The following ATM variants were observed in gnomAD, a reference collection of about 807,000 sequenced individuals.
ATM encodes serine-protein kinase ATM.
In ATM, 308 loss-of-function variants were observed where a neutral mutation model predicts 387.0. That is an observed-to-expected ratio of 0.80 (90% confidence interval 0.73 to 0.87). The LOEUF is 0.87. Among genes scored for constraint, ATM ranks in the 40% least tolerant of loss-of-function variants. The pLI, the probability that ATM is intolerant of heterozygous loss-of-function variation, is 0.00. For missense variants in ATM, 3,312 were observed against 3,560.9 expected (o/e 0.93, Z 1.78); for synonymous variants, 1,156 against 1,187.3 (o/e 0.97, Z 0.54).
In ATM at chr11:108,368,715, T is replaced by C. The variant is rs2091455663; in HGVS notation, c.*3207T>C. ...ACTGCTTGAACAGTTGTGTCCAGATTAAGGGAGATAATAGCTTTCCCACCC... is the reference window on the plus strand; with the variant it reads ...ACTGCTTGAACAGTTGTGTCCAGATCAAGGGAGATAATAGCTTTCCCACCC... On this transcript the variant is annotated 3_prime_UTR_variant, in exon 63 of 63. Coordinates refer to ENST00000675843, the MANE Select transcript of ATM (RefSeq NM_000051.4). 1 of 214,844 alleles carries C rather than the reference T, an allele frequency of 4.7e-6. No homozygotes were observed. The highest frequency in any genetic ancestry group is 1.9e-4 in the South Asian group (1 of 5,388). The allele number at this position is 214,844 out of a possible 1,614,324, so 13.3% of individuals were successfully genotyped here. A position where few individuals can be genotyped will look rare whatever the true frequency, so the allele number is the denominator to read the frequency against.
At chr11:108,256,524 AATT>A (rs1336952373) in intron 14 of ATM, among the ~76,000 whole-genome samples, 184 bp downstream of exon 14, 1 of 152,086 alleles carries the variant, frequency 6.6e-6, no homozygotes, top group Non-Finnish European at 1.5e-5. Context: ...TTTAATTTTT[AATT>A]ATTATTATAC....
rs771549673 is a variant in ATM at position 108,292,785 on chromosome 11, C to T, written c.4603C>T (p.Gln1535Ter). The change falls in exon 30 of 63, where the codon CAG (glutamine) becomes TAG (stop). Residue 1535 changes from glutamine to a stop codon, truncating the protein, a stop_gained. Coordinates refer to ENST00000675843, the MANE Select transcript of ATM (RefSeq NM_000051.4). LOFTEE classifies it high-confidence loss of function. ...CCTTGTGTATGAGCAGGTGGAGGTTCAGAAACAGGTAATTTTCTGACTCAT... is the reference window on the plus strand; with the variant it reads ...CCTTGTGTATGAGCAGGTGGAGGTTTAGAAACAGGTAATTTTCTGACTCAT... ...IPLVYEQVEV[Q>*]KQVLDLLKYL... 1.2e-6 allele frequency: 2 copies of T among 1,613,748 alleles called. No homozygotes were observed. The highest frequency in any genetic ancestry group is 1.1e-5 in the South Asian group (1 of 91,052).
chr11:108,299,660 T>G (rs1023783827), intron 33 of ATM, 54 bp from the exon 34 acceptor site: 1 of 1,567,666 alleles, frequency 6.4e-7, no homozygotes, highest in Non-Finnish European at 8.8e-7. Context: ...AAATTTCAGT[T>G]TTATGTATGA....
At chr11:108,310,356 G>A (rs886945341) in intron 39 of ATM, 41 bp downstream of exon 39, 2 of 1,566,624 alleles carry the variant, frequency 1.3e-6, no homozygotes, top group African/African-American at 1.4e-5. Context: ...AATTAATGTT[G>A]GCATTGTCTC....
At position 108,253,799 on chromosome 11, in the gene ATM, C is replaced by A. The variant is rs759924007; in HGVS notation, c.1899-15C>A. ...GGTACTTGGTTTATATATTAAAGAT[C>A]TTACTTTCTTGAAGTGAACACCACC... On this transcript the variant is annotated splice_polypyrimidine_tract_variant and intron_variant, in intron 12 of 62. Coordinates refer to ENST00000675843, the MANE Select transcript of ATM (RefSeq NM_000051.4). The A allele has an allele frequency of 1.3e-6, 2 of 1,598,932 alleles. No individual in the cohort carries two copies. Among genetic ancestry groups the A allele is most frequent in the South Asian group, 2.2e-5 (2 of 90,518 alleles).
In ATM at chr11:108,322,748, A is replaced by T. The variant is rs554173875; in HGVS notation, c.6572+1328A>T. 2.8e-4 allele frequency among the ~76,000 whole-genome samples: 43 copies of T among 152,174 alleles called. No individual in the cohort carries two copies. In the East Asian group the frequency reaches 7.8e-3, roughly 27 times the overall value. The stretch of plus-strand genomic sequence containing the variant: ...TCAAGTTTAAAAAATTCAGCTTAAA[A>T]GTGCTTTTCTCTTTATAACTTTTTC... On this transcript the variant is annotated intron_variant, in intron 45 of 62. Coordinates refer to ENST00000675843, the MANE Select transcript of ATM (RefSeq NM_000051.4).
intron 45 of ATM, 106 bp from the exon 46 acceptor site, chr11:108,325,204 T>C (rs1290749266): frequency 2.7e-5 from 21 of 783,932 alleles, no homozygotes; most frequent in African/African-American, 3.5e-5. Context: ...CAAAAGTTCC[T>C]TTGTATTATT....
chr11:108,304,582 A>G, intron 36 of ATM, 93 bp from the exon 37 acceptor site: 6 of 1,223,316 alleles, frequency 4.9e-6, no homozygotes, highest in East Asian at 2.5e-5. Context: ...TAGAAATTTA[A>G]TATGTCAACG....
chr11:108,355,091 A>AGAGCT, intron 61 of ATM: 1 of 567,342 alleles, frequency 1.8e-6, no homozygotes, highest in Non-Finnish European at 3.2e-6. Context: ...TTGGAATGTT[A>AGAGCT]GAGCATTGTA....
At position 108,316,081 on chromosome 11, in the gene ATM, C is replaced by A. The variant is rs2084621820; in HGVS notation, c.6166C>A (p.Pro2056Thr). The stretch of plus-strand genomic sequence containing the variant: ...AACATATGACCTCGAAACAGCAATC[C>A]CCTCATCAACACGCCAGGCAGGAAT... ...LVTYDLETAIPSSTRQAGIIQ... is the reference protein window; with the variant it reads ...LVTYDLETAITSSTRQAGIIQ... The change falls in exon 42 of 63, where the codon CCC becomes ACC. Residue 2056 changes from proline to threonine, a missense_variant. Physicochemically the swap from Pro to Thr is conservative, Grantham distance 38. This residue lies in a region of ATM where 1,405 missense variants were observed against 1,604.4 expected (regional missense o/e 0.88). Coordinates refer to ENST00000675843, the MANE Select transcript of ATM (RefSeq NM_000051.4). The A allele has an allele frequency of 1.2e-6, 2 of 1,613,956 alleles. No homozygotes were observed. Among genetic ancestry groups the A allele is most frequent in the Non-Finnish European group, 8.5e-7 (1 of 1,180,012 alleles).
intron 56 of ATM, among the ~76,000 whole-genome samples, chr11:108,338,276 G>A (rs140746862): frequency 2.6e-5 from 4 of 151,600 alleles, no homozygotes; most frequent in African/African-American, 4.9e-5. Context: ...ACTTAAACCC[G>A]GATGGCAGAG....
At chr11:108,319,817 C>A (rs1475690885) in intron 43 of ATM, 137 bp from the exon 44 acceptor site, 3 of 654,068 alleles carry the variant, frequency 4.6e-6, no homozygotes, top group Admixed American at 2.9e-5. Flanking sequence ...GTATTTCTTA[C>A]CAAAAATTCT....
chr11:108,280,798 A>G (rs761099898), intron 23 of ATM, among the ~76,000 whole-genome samples, 197 bp from the exon 24 acceptor site: 44 of 152,210 alleles, frequency 2.9e-4, no homozygotes, highest in Non-Finnish European at 1.5e-4. Context: ...GTTTTTAAAC[A>G]TGTCAGTGCT....
chr11:108,354,070 AACACAC>A (rs71047689), intron 60 of ATM, among the ~76,000 whole-genome samples, 190 bp downstream of exon 60: 368 of 114,948 alleles, frequency 3.2e-3, no homozygotes, highest in African/African-American at 9.3e-3. Flanking sequence ...CACACACACA[AACACAC>A]ACACACACAC....
intron 59 of ATM, among the ~76,000 whole-genome samples, chr11:108,352,811 A>G (rs2089372681): frequency 6.6e-6 from 1 of 152,218 alleles, no homozygotes; most frequent in Non-Finnish European, 1.5e-5. Context: ...GCTATTCCCA[A>G]AAGGTTACAT....
In ATM at chr11:108,302,868, A is replaced by G. The variant is rs1176642734; in HGVS notation, c.5335A>G (p.Arg1779Gly). Reference sequence around the variant, plus strand: ...TTCTTTCTAGTTTTTAGAAGTACCCAGATTTGACAAAGAAAACCCTTTTGA... The same window carrying G: ...TTCTTTCTAGTTTTTAGAAGTACCCGGATTTGACAAAGAAAACCCTTTTGA... ...TSRKKFLEVP[R>G]FDKENPFEGL... Residue 1779 changes from arginine (R) to glycine (G), a missense_variant, in exon 36 of 63, where the codon AGA (arginine) becomes GGA (glycine). Transcript: ENST00000675843. The G allele has an allele frequency of 3.1e-6, 5 of 1,612,606 alleles. No individual in the cohort carries two copies. The highest frequency in any genetic ancestry group is 4.2e-6 in the Non-Finnish European group (5 of 1,178,962).
At chr11:108,283,888 A>G (rs2082353612) in intron 25 of ATM, among the ~76,000 whole-genome samples, 1 of 152,192 alleles carries the variant, frequency 6.6e-6, no homozygotes, top group Admixed American at 6.5e-5. Context: ...CATTTATGTT[A>G]GTTGATTATG....
chr11:108,326,293 A>C (rs2085682613), intron 47 of ATM, 68 bp downstream of exon 47: 15 of 1,551,144 alleles, frequency 9.7e-6, no homozygotes, highest in Middle Eastern at 3.7e-4. Flanking sequence ...GTACTTTAAA[A>C]TATTTTTAAT....
intron 16 of ATM, among the ~76,000 whole-genome samples, chr11:108,265,515 A>C (rs2081178426): frequency 6.6e-6 from 1 of 151,824 alleles, no homozygotes; most frequent in Non-Finnish European, 1.5e-5. Flanking sequence ...CATTAGACCT[A>C]AAACCATAAA....
Sources: gnomAD v4.1 joint callset for allele counts (sites outside exome capture counted in the v4.1 genomes callset) on GRCh38, gnomAD v4.1.1 for gene constraint, gnomAD v4.1.1 regional missense constraint, MANE v1.5 for transcripts, NCBI Gene and HGNC (gene_info 2026-07-23, HGNC 2026-07-21) for gene names.